The following RERE variants were observed in gnomAD, a reference collection of about 807,000 sequenced individuals.
The protein encoded by RERE is arginine-glutamic acid dipeptide repeats.
A neutral mutation model predicts 146.1 loss-of-function variants in RERE; 40 were observed. The observed-to-expected ratio is 0.27, with a 90% CI of 0.21 to 0.36. The LOEUF (loss-of-function observed/expected upper bound fraction) is 0.36. RERE is among the 10% of genes least tolerant of loss of function. RERE has a pLI of 1.00. For missense variants in RERE, 1,933 were observed against 2,138.7 expected (o/e 0.90, Z 1.90); for synonymous variants, 1,003 against 866.0 (o/e 1.16, Z -2.78).
At chr1:8,513,267 T>C (rs1021343526) in intron 7 of RERE, among the ~76,000 whole-genome samples, 1 of 152,222 alleles carries the variant, frequency 6.6e-6, no homozygotes. Flanking sequence ...ACAATATACA[T>C]ATTCTTATAA....
intron 12 of RERE, among the ~76,000 whole-genome samples, chr1:8,404,718 A>C (rs947066036): frequency 1.3e-5 from 2 of 152,190 alleles, no homozygotes; most frequent in African/African-American, 4.8e-5. Flanking sequence ...ACCATAGTAA[A>C]ATCACAGCAG....
intron 12 of RERE, among the ~76,000 whole-genome samples, chr1:8,374,263 C>T (rs1642153448): frequency 6.6e-6 from 1 of 152,160 alleles, no homozygotes; most frequent in African/African-American, 2.4e-5. Flanking sequence ...ACGTGAAGGT[C>T]TTGTGGCTTT....
intron 4 of RERE, among the ~76,000 whole-genome samples, chr1:8,567,256 C>G (rs1236479035): frequency 6.6e-6 from 1 of 152,120 alleles, no homozygotes; most frequent in African/African-American, 2.4e-5. Context: ...AGACTGTTGT[C>G]AAGAGATAAC....
At chr1:8,575,102 C>T (rs931902255) in intron 4 of RERE, among the ~76,000 whole-genome samples, 3 of 152,136 alleles carry the variant, frequency 2.0e-5, no homozygotes, top group Non-Finnish European at 4.4e-5. Flanking sequence ...CCTAAAACAA[C>T]TTATACCAAA....
chr1:8,399,122 T>C (rs1643159179), intron 12 of RERE, among the ~76,000 whole-genome samples: 1 of 152,036 alleles, frequency 6.6e-6, no homozygotes. Flanking sequence ...TCTTCATGCA[T>C]TCTAGATACT....
rs1175649015 is a variant in RERE, at chr1:8,729,162, T to A, written c.-144-72721A>T. On this transcript the variant is annotated intron_variant, in intron 1 of 22. Coordinates refer to ENST00000400908, the MANE Select transcript of RERE (RefSeq NM_001042681.2). ...CCAGCCTGGGCAACAAGAGTGAGACTCCATCTCAATCAATCAATCAATCAA... is the reference window on the plus strand; with the variant it reads ...CCAGCCTGGGCAACAAGAGTGAGACACCATCTCAATCAATCAATCAATCAA... Among the ~76,000 whole-genome samples, 16 of 137,706 alleles carry A rather than the reference T, an allele frequency of 1.2e-4. No individual in the cohort carries two copies. In the Admixed American group the frequency reaches 1.3e-3, roughly 11 times the overall value. The allele number at this position is 137,706 out of a possible 152,430, so 90.3% of individuals were successfully genotyped here. A position where few individuals can be genotyped will look rare whatever the true frequency, so the allele number is the denominator to read the frequency against.
At chr1:8,395,344 A>T (rs903678399) in intron 12 of RERE, among the ~76,000 whole-genome samples, 1 of 151,928 alleles carries the variant, frequency 6.6e-6, no homozygotes. Context: ...GCGTGGTGGC[A>T]CACGCCTGTA....
At chr1:8,567,874 G>C (rs942216022) in intron 4 of RERE, among the ~76,000 whole-genome samples, 4 of 152,122 alleles carry the variant, frequency 2.6e-5, no homozygotes, top group Non-Finnish European at 5.9e-5. Context: ...TAGCAGATAG[G>C]GACAGACATA....
intron 6 of RERE, among the ~76,000 whole-genome samples, chr1:8,545,191 T>G (rs1645843088): frequency 6.6e-6 from 1 of 152,190 alleles, no homozygotes; most frequent in South Asian, 2.1e-4. Flanking sequence ...TCTTGTATAC[T>G]CTGTATCTAA....
intron 4 of RERE, among the ~76,000 whole-genome samples, chr1:8,611,380 T>C (rs1646791056): frequency 6.6e-6 from 1 of 151,370 alleles, no homozygotes; most frequent in Non-Finnish European, 1.5e-5. Context: ...AGCCCACACC[T>C]GTAACCCCAG....
intron 11 of RERE, among the ~76,000 whole-genome samples, chr1:8,436,013 C>T (rs911033065): frequency 6.6e-5 from 10 of 152,176 alleles, no homozygotes; most frequent in South Asian, 2.1e-4. Flanking sequence ...CACACAGCTA[C>T]GCCCAAATTA....
chr1:8,688,973 T>A (rs1371913803), intron 1 of RERE, among the ~76,000 whole-genome samples: 4 of 152,184 alleles, frequency 2.6e-5, no homozygotes, highest in African/African-American at 9.7e-5. Flanking sequence ...AGCTATATAC[T>A]GGAAACCATT....
intron 10 of RERE, among the ~76,000 whole-genome samples, chr1:8,481,141 G>A (rs944502057): frequency 3.3e-5 from 5 of 152,044 alleles, no homozygotes; most frequent in East Asian, 1.9e-4. Flanking sequence ...TTTCTGAGAC[G>A]GGGTCTCGCT....
In RERE at chr1:8,402,515, C is replaced by T. The variant is rs75243191; in HGVS notation, c.1284+20212G>A. Among the ~76,000 whole-genome samples the T allele has an allele frequency of 8.8e-3, 1,346 of 152,284 alleles. 18 individuals carry two copies. The highest frequency in any genetic ancestry group is 0.031 in the African/African-American group (1,279 of 41,564). ...TGGGTTGATATGGTATGTCATGCAA[C>T]GGTGGACAGCTGGAACACAAGACTA... is the stretch of plus-strand genomic sequence containing the variant. On this transcript the variant is annotated intron_variant, in intron 12 of 22. Coordinates refer to ENST00000400908, the MANE Select transcript of RERE (RefSeq NM_001042681.2).
chr1:8,561,602 A>C (rs977774752), intron 4 of RERE, among the ~76,000 whole-genome samples: 1 of 152,208 alleles, frequency 6.6e-6, no homozygotes, highest in Non-Finnish European at 1.5e-5. Context: ...AAACAAAACC[A>C]AGTAGATAAA....
chr1:8,642,471 C>T (rs6679128), intron 2 of RERE, among the ~76,000 whole-genome samples: 2,314 of 152,238 alleles, frequency 0.015, 61 homozygotes, highest in African/African-American at 0.053. Flanking sequence ...GGCTGTTTCA[C>T]TTGTAAGTCT....
intron 8 of RERE, among the ~76,000 whole-genome samples, chr1:8,503,420 T>C (rs746636014): frequency 1.3e-5 from 2 of 152,168 alleles, no homozygotes; most frequent in African/African-American, 2.4e-5. Context: ...AAAATCTATA[T>C]GCACAGGCTA....
At chr1:8,383,330 C>A (rs1642519804) in intron 12 of RERE, among the ~76,000 whole-genome samples, 1 of 150,892 alleles carries the variant, frequency 6.6e-6, no homozygotes, top group African/African-American at 2.4e-5. Context: ...AATGACGCCA[C>A]ACAAGATCAT....
intron 2 of RERE, among the ~76,000 whole-genome samples, chr1:8,634,923 G>C (rs997549744): frequency 2.0e-5 from 3 of 152,152 alleles, no homozygotes; most frequent in Non-Finnish European, 4.4e-5. Context: ...TTTTAGTAGA[G>C]ATGAGGTTTC....
Sources: allele counts gnomAD v4.1 joint callset (sites outside exome capture counted in the v4.1 genomes callset), GRCh38; gene constraint gnomAD v4.1.1; transcripts MANE v1.5; gene names NCBI Gene and HGNC (gene_info 2026-07-23, HGNC 2026-07-21).